The following SOX5 variants were observed in gnomAD, a reference collection of about 807,000 sequenced individuals.
SOX5 encodes transcription factor SOX-5.
SOX5 carries 9 observed loss-of-function variants against 92.0 expected under a neutral mutation model. That is an observed-to-expected ratio of 0.10 (90% CI 0.06 to 0.17). The LOEUF is 0.17. Among genes scored for constraint, SOX5 ranks in the 10% least tolerant of loss-of-function variants. SOX5 has a pLI of 1.00. For synonymous variants in SOX5, 344 were observed against 336.3 expected, an observed-to-expected ratio of 1.02 and a Z score of -0.25; for missense variants, 642 against 944.5, an observed-to-expected ratio of 0.68 and a Z score of 4.20.
intron 3 of SOX5, among the ~76,000 whole-genome samples, chr12:23,760,621 C>A (rs200580069): frequency 6.7e-6 from 1 of 148,586 alleles, no homozygotes; most frequent in African/African-American, 2.5e-5. Context: ...TGGCCCCCCC[C>A]AACTGTGCCA....
intron 4 of SOX5, among the ~76,000 whole-genome samples, chr12:24,067,662 T>C (rs1317403106): frequency 6.6e-6 from 1 of 152,188 alleles, no homozygotes; most frequent in Non-Finnish European, 1.5e-5. Flanking sequence ...ATCAACGATT[T>C]TATGGATTAT....
chr12:23,832,120 G>A (rs2096335796), intron 3 of SOX5, among the ~76,000 whole-genome samples: 1 of 151,898 alleles, frequency 6.6e-6, no homozygotes, highest in Non-Finnish European at 1.5e-5. Flanking sequence ...AATTATATTT[G>A]TCTTCAGCTC....
rs1159873008 is a variant in SOX5, at chr12:23,960,661, A to C, written c.-1-64637T>G. 1.3e-5 allele frequency among the ~76,000 whole-genome samples: 2 copies of C among 150,910 alleles called. 1 individual carries two copies. Among genetic ancestry groups the C allele is most frequent in the African/African-American group, 4.8e-5 (2 of 41,240 alleles). On this transcript the variant is annotated intron_variant, in intron 4 of 4. Transcript: ENST00000446891. Reference sequence around the variant, plus strand: ...GTTAACAAAAACAAGGAACTTATCTATACACTGATATAAAAAGATATTCAA... The same window carrying C: ...GTTAACAAAAACAAGGAACTTATCTCTACACTGATATAAAAAGATATTCAA...
At chr12:23,889,051 G>A (rs919295272) in intron 2 of SOX5, among the ~76,000 whole-genome samples, 3 of 152,074 alleles carry the variant, frequency 2.0e-5, no homozygotes, top group Admixed American at 1.3e-4. Context: ...TACTTTATCT[G>A]AATGTTTCTG....
intron 4 of SOX5, among the ~76,000 whole-genome samples, chr12:23,745,093 C>G (rs906151788): frequency 7.2e-5 from 11 of 152,064 alleles, no homozygotes; most frequent in Non-Finnish European, 1.3e-4. Flanking sequence ...TTCTGAGGTT[C>G]TAGGCATTAG....
intron 1 of SOX5, among the ~76,000 whole-genome samples, chr12:23,897,418 C>T (rs1484915704): frequency 6.6e-6 from 1 of 152,088 alleles, no homozygotes; most frequent in African/African-American, 2.4e-5. Context: ...CTGATTCTGT[C>T]ACTTACTAGC....
chr12:23,923,198 G>A (rs1264304203), intron 1 of SOX5, among the ~76,000 whole-genome samples: 1 of 152,000 alleles, frequency 6.6e-6, no homozygotes, highest in East Asian at 1.9e-4. Context: ...TGATCTGCCC[G>A]CCTCGGCCTC....
At chr12:23,781,327 C>T (rs1054315043) in intron 3 of SOX5, among the ~76,000 whole-genome samples, 20 of 151,838 alleles carry the variant, frequency 1.3e-4, no homozygotes, top group African/African-American at 4.8e-4. Flanking sequence ...AAGCTGCCTC[C>T]CTTTCTAATC....
chr12:24,213,931 T>C (rs1426073049), intron 3 of SOX5, among the ~76,000 whole-genome samples: 1 of 151,706 alleles, frequency 6.6e-6, no homozygotes, highest in African/African-American at 2.4e-5. Flanking sequence ...CCATTTTTTA[T>C]AGTCCATGAT....
intron 1 of SOX5, among the ~76,000 whole-genome samples, chr12:24,382,567 T>G (rs1331136875): frequency 6.6e-6 from 1 of 152,140 alleles, no homozygotes; most frequent in African/African-American, 2.4e-5. Context: ...GAGCACAGGA[T>G]GACATCTGAC....
At chr12:24,144,318 A>G (rs926863293) in intron 4 of SOX5, among the ~76,000 whole-genome samples, 2 of 152,200 alleles carry the variant, frequency 1.3e-5, no homozygotes, top group African/African-American at 4.8e-5. Context: ...CTTTAAGCAG[A>G]AGATAATAAC....
chr12:24,254,265 T>C (rs959290476), intron 3 of SOX5, among the ~76,000 whole-genome samples: 2 of 152,040 alleles, frequency 1.3e-5, no homozygotes, highest in African/African-American at 4.8e-5. Context: ...AGAGTCAATA[T>C]ACTCTCTTGG....
intron 4 of SOX5, among the ~76,000 whole-genome samples, chr12:24,196,435 G>A (rs796420780): frequency 1.3e-5 from 2 of 152,092 alleles, no homozygotes; most frequent in East Asian, 3.9e-4. Flanking sequence ...AAACTCTATG[G>A]ACAGGTCTTG....
At chr12:23,559,310 A>G (rs369403995) in intron 11 of SOX5, among the ~76,000 whole-genome samples, 6 of 152,292 alleles carry the variant, frequency 3.9e-5, no homozygotes, top group Admixed American at 1.3e-4. Flanking sequence ...CACCCACAAC[A>G]CTAATCTGTG....
intron 4 of SOX5, among the ~76,000 whole-genome samples, chr12:24,064,962 A>G (rs576924632): frequency 6.6e-6 from 1 of 152,342 alleles, no homozygotes; most frequent in African/African-American, 2.4e-5. Flanking sequence ...TTAGATACTA[A>G]TTTTTAAACC....
At chr12:24,125,685 C>T (rs1401038064) in intron 4 of SOX5, among the ~76,000 whole-genome samples, 1 of 152,182 alleles carries the variant, frequency 6.6e-6, no homozygotes, top group Non-Finnish European at 1.5e-5. Flanking sequence ...TTAACCTCTC[C>T]ATTTCCTTCC....
At chr12:24,065,608 C>T (rs1940552036) in intron 4 of SOX5, among the ~76,000 whole-genome samples, 1 of 136,266 alleles carries the variant, frequency 7.3e-6, no homozygotes, top group African/African-American at 2.9e-5. Context: ...GATCACATCA[C>T]TACACTCCAG....
chr12:24,006,787 A>G (rs1952222681), intron 4 of SOX5, among the ~76,000 whole-genome samples: 2 of 152,098 alleles, frequency 1.3e-5, no homozygotes, highest in African/African-American at 4.8e-5. Flanking sequence ...GAAAAGATCT[A>G]TTGATTCATC....
chr12:23,736,616 T>C (rs1356389205), intron 5 of SOX5, among the ~76,000 whole-genome samples: 3 of 151,828 alleles, frequency 2.0e-5, no homozygotes, highest in Non-Finnish European at 4.4e-5. Context: ...GATGATGGTT[T>C]AATTATAATT....
Sources: gnomAD v4.1 joint callset for allele counts (sites outside exome capture counted in the v4.1 genomes callset) on GRCh38, gnomAD v4.1.1 for gene constraint, MANE v1.5 for transcripts, NCBI Gene and HGNC (gene_info 2026-07-23, HGNC 2026-07-21) for gene names.